Variants in ZNF230 observed in about 807,000 individuals in gnomAD.
ZNF230 encodes the protein zinc finger protein 230, also known as zinc finger protein FDZF2.
In ZNF230, 12 loss-of-function variants were observed where a neutral mutation model predicts 10.0. The observed-to-expected ratio is 1.20, with a 90% CI of 0.77 to 1.95. ZNF230 has a LOEUF of 1.95. Among genes scored for constraint, ZNF230 ranks in the 30% most tolerant of loss-of-function variants. The pLI is 0.00. For missense variants in ZNF230, 532 were observed against 565.8 expected, an observed-to-expected ratio of 0.94 and a Z score of 0.61; for synonymous variants, 174 against 193.6, an observed-to-expected ratio of 0.90 and a Z score of 0.84.
At position 44,010,545 on chromosome 19, in the gene ZNF230, C is replaced by T. The variant is rs1976168607; in HGVS notation, c.506C>T (p.Thr169Ile). The change falls in exon 5 of 5, where the codon ACA becomes ATA. Residue 169 changes from threonine (T) to isoleucine (I), a missense_variant. Coordinates refer to ENST00000429154, the MANE Select transcript of ZNF230 (RefSeq NM_006300.4). ...TTCCACTCAGGAGAGAAGTCTCATA[C>T]ATGCAATGAGTGTGGAAAAAGCTTC... ...QQFHSGEKSHTCNECGKSFCY... is the reference protein window; with the variant it reads ...QQFHSGEKSHICNECGKSFCY... 2 of 1,614,126 alleles carry T rather than the reference C, an allele frequency of 1.2e-6. No homozygotes were observed. Among genetic ancestry groups the T allele is most frequent in the Admixed American group, 3.3e-5 (2 of 60,004 alleles).
intron 2 of ZNF230, among the ~76,000 whole-genome samples, chr19:44,007,458 A>G (rs980700185): frequency 3.3e-5 from 5 of 152,166 alleles, no homozygotes; most frequent in Non-Finnish European, 5.9e-5. Flanking sequence ...ATACACCAAG[A>G]TAACATGTCC....
intron 4 of ZNF230, 125 bp downstream of exon 4, chr19:44,009,295 C>A: frequency 9.3e-7 from 1 of 1,071,324 alleles, no homozygotes. Context: ...TTATTACAAC[C>A]CCTTTCTGGC....
chr19:44,010,214 A>G, intron 4 of ZNF230, 55 bp from the exon 5 acceptor site: 2 of 1,494,728 alleles, frequency 1.3e-6, no homozygotes, highest in Non-Finnish European at 1.8e-6. Flanking sequence ...GAAATCTTAA[A>G]AACACCAAAC....
intron 1 of ZNF230, 186 bp from the exon 2 acceptor site, chr19:44,006,825 C>T (rs1976128360): frequency 2.8e-6 from 1 of 355,482 alleles, no homozygotes; most frequent in South Asian, 9.7e-5. Flanking sequence ...AAATTAGATT[C>T]CATTATATGG....
In ZNF230 at chr19:44,010,589, C is replaced by T. The variant is rs112504832; in HGVS notation, c.550C>T (p.Arg184Cys). The T allele has an allele frequency of 8.4e-4, 1,363 of 1,614,196 alleles. 3 individuals carry two copies. The highest frequency in any genetic ancestry group is 1.0e-3 in the Non-Finnish European group (1,196 of 1,180,040). ...AAGCTTCTGTTACATCTCAGCTCTT[C>T]GTATTCACCAGAGAGTTCACTTGAG... ...GKSFCYISAL[R>C]IHQRVHLREK... Residue 184 changes from arginine to cysteine, a missense_variant, in exon 5 of 5, where the codon CGT (arginine) becomes TGT (cysteine). Physicochemically the swap from Arg to Cys is radical, Grantham distance 180. Coordinates refer to ENST00000429154, the MANE Select transcript of ZNF230 (RefSeq NM_006300.4).
At position 44,012,141 on chromosome 19, in the gene ZNF230, A is replaced by G. The variant is rs572698586; in HGVS notation, c.*677A>G. On this transcript the variant is annotated 3_prime_UTR_variant, in exon 5 of 5. Coordinates refer to ENST00000429154, the MANE Select transcript of ZNF230 (RefSeq NM_006300.4). ...GAATCTTATGCCTCAGAGGCTTGACACAAGAGCAAAACTATGGAAGTGTGG... is the reference window on the plus strand; with the variant it reads ...GAATCTTATGCCTCAGAGGCTTGACGCAAGAGCAAAACTATGGAAGTGTGG... 3.4e-5 allele frequency: 10 copies of G among 291,202 alleles called. No homozygotes were observed. Among genetic ancestry groups the G allele is most frequent in the Non-Finnish European group, 6.0e-5 (9 of 149,470 alleles). 18.0% of individuals were successfully genotyped at this position (291,202 alleles called of 1,614,324 possible).
At chr19:44,007,852 C>G (rs756978341) in intron 2 of ZNF230, among the ~76,000 whole-genome samples, 5 of 152,218 alleles carry the variant, frequency 3.3e-5, no homozygotes, top group Non-Finnish European at 5.9e-5. Flanking sequence ...TCCCCCTTTG[C>G]CAGTCCAGAG....
Position 44,011,191 on chromosome 19 carries a change from G to C in ZNF230, c.1152G>C (p.Arg384Ser), listed in dbSNP as rs763836176. The part of the protein sequence containing the change: ...ISKSGLNLHQ[R>S]VHTGERPYNC... The stretch of plus-strand genomic sequence containing the variant: ...AGTCAGGTCTTAACTTGCACCAGAG[G>C]GTCCATACTGGAGAGAGACCTTATA... Residue 384 changes from arginine (R) to serine (S), a missense_variant, in exon 5 of 5, where the codon AGG becomes AGC. Arg to Ser is a moderately radical substitution (Grantham distance 110). Transcript: ENST00000429154. The C allele has an allele frequency of 1.9e-6, 3 of 1,613,946 alleles. No homozygotes were observed. The South Asian group carries it at 3.3e-5, about 18-fold the overall frequency.
In ZNF230 at chr19:44,010,702, GA is replaced by G; in HGVS notation, c.666del (p.Lys222AsnfsTer51). The G allele has an allele frequency of 1.9e-6, 3 of 1,614,226 alleles. No homozygotes were observed. Among genetic ancestry groups the G allele is most frequent in the Non-Finnish European group, 2.5e-6 (3 of 1,180,028 alleles). ...QTRERVHTGEKPFKCEQCGKG... is the reference protein window; with the variant it reads ...QTRERVHTGEXPFKCEQCGKG... ...CTCGTGAGAGAGTCCACACTGGAGA[GA>G]AACCATTCAAATGTGAGCAATGTGG... On this transcript the variant is annotated frameshift_variant, in exon 5 of 5. Coordinates refer to ENST00000429154, the MANE Select transcript of ZNF230 (RefSeq NM_006300.4). LOFTEE classifies it low-confidence loss of function (END_TRUNC).
At position 44,010,255 on chromosome 19, in the gene ZNF230, CTG is replaced by C; in HGVS notation, c.230-10_230-9del. On this transcript the variant is annotated splice_polypyrimidine_tract_variant and intron_variant, in intron 4 of 4. Coordinates refer to ENST00000429154, the MANE Select transcript of ZNF230 (RefSeq NM_006300.4). Reference sequence around the variant, plus strand: ...CTTCATTTGTCCACATCTCTTCATTCTGTGTCCTTATAGGCGGCAAGACTATT... The same window carrying C: ...CTTCATTTGTCCACATCTCTTCATTCTGTCCTTATAGGCGGCAAGACTATT... The C allele has an allele frequency of 6.3e-7, 1 of 1,582,982 alleles. No individual in the cohort carries two copies. The highest frequency in any genetic ancestry group is 8.6e-7 in the Non-Finnish European group (1 of 1,163,934).
At position 44,008,880 on chromosome 19, in the gene ZNF230, GT is replaced by G; in HGVS notation, c.107del (p.Val36GlyfsTer23). ...DPAQRKLYQD[V>X]MLENFTNLLS... Reference sequence around the variant, plus strand: ...TGCCCAGAGGAAGCTGTACCAAGACGTGATGCTTGAGAACTTCACGAACCTG... The same window carrying G: ...TGCCCAGAGGAAGCTGTACCAAGACGGATGCTTGAGAACTTCACGAACCTG... On this transcript the variant is annotated frameshift_variant, in exon 3 of 5. Coordinates refer to ENST00000429154, the MANE Select transcript of ZNF230 (RefSeq NM_006300.4). LOFTEE classifies it high-confidence loss of function. The G allele has an allele frequency of 6.2e-7, 1 of 1,614,126 alleles. No individual in the cohort carries two copies.
intron 1 of ZNF230, among the ~76,000 whole-genome samples, chr19:44,005,407 T>C (rs182884362): frequency 6.6e-6 from 1 of 152,204 alleles, no homozygotes; most frequent in Non-Finnish European, 1.5e-5. Context: ...GAAGGGATGG[T>C]ATAGGGTTTC....
Position 44,009,164 on chromosome 19 carries a change from A to G in ZNF230, c.223A>G (p.Asn75Asp), listed in dbSNP as rs1193827557. 6 of 1,614,068 alleles carry G rather than the reference A, an allele frequency of 3.7e-6. No individual in the cohort carries two copies. Among genetic ancestry groups the G allele is most frequent in the Non-Finnish European group, 8.5e-7 (1 of 1,180,014 alleles). Residue 75 changes from asparagine to aspartate, a missense_variant, in exon 4 of 5, where the codon AAT (asparagine) becomes GAT (aspartate). By Grantham distance (23) the Asn-to-Asp change is conservative. Transcript: ENST00000429154. The stretch of plus-strand genomic sequence containing the variant: ...GGAGACAGCAACCCAAAGAGAAGGA[A>G]ATTCAGGTAAGAAGCAAGCAACTGT... ...MMETATQREGNSGGKTIAEAG... is the reference protein window; with the variant it reads ...MMETATQREGDSGGKTIAEAG...
At chr19:44,005,176 CAT>C (rs1976111890) in intron 1 of ZNF230, among the ~76,000 whole-genome samples, 1 of 151,788 alleles carries the variant, frequency 6.6e-6, no homozygotes, top group Non-Finnish European at 1.5e-5. Flanking sequence ...ATCTTTATAT[CAT>C]TTAAAAGCTA....
At position 44,007,014 on chromosome 19, in the gene ZNF230, C is replaced by A. The variant is rs374005751; in HGVS notation, c.-65C>A. 4.2e-6 allele frequency: 6 copies of A among 1,443,142 alleles called. No homozygotes were observed. The highest frequency in any genetic ancestry group is 5.8e-6 in the Non-Finnish European group (6 of 1,035,890). 89.4% of individuals were successfully genotyped at this position (1,443,142 alleles called of 1,614,324 possible). On this transcript the variant is annotated 5_prime_UTR_variant, in exon 2 of 5. Coordinates refer to ENST00000429154, the MANE Select transcript of ZNF230 (RefSeq NM_006300.4). ...TGCTGTCTCTGGCATTTTCCAGGCA[C>A]AATTCCACCTTCCTTTGTGCTCCAT...
At position 44,012,058 on chromosome 19, in the gene ZNF230, CCACATACT is replaced by C; in HGVS notation, c.*595_*602del. The C allele has an allele frequency of 5.5e-6, 1 of 180,432 alleles. No individual in the cohort carries two copies. The highest frequency in any genetic ancestry group is 1.2e-5 in the Non-Finnish European group (1 of 86,348). The allele number at this position is 180,432 out of a possible 1,614,324, so 11.2% of individuals were successfully genotyped here. A position where few individuals can be genotyped will look rare whatever the true frequency, so the allele number is the denominator to read the frequency against. ...GAACATGGTAGTGTAGATATCTGAT[CCACATACT>C]GATTTCCTTTGCTTTGGATATACTC... On this transcript the variant is annotated 3_prime_UTR_variant, in exon 5 of 5. Transcript: ENST00000429154.
chr19:44,004,151 C>T (rs888215356), intron 1 of ZNF230: 2 of 152,204 alleles, frequency 1.3e-5, no homozygotes, highest in Admixed American at 6.5e-5. Flanking sequence ...TTAAAAATTT[C>T]TCAACTATTT....
In ZNF230 at chr19:44,010,675, A is replaced by G. The variant is rs369132991; in HGVS notation, c.636A>G (p.Gln212=). The change falls in exon 5 of 5, where the codon CAA becomes CAG. Residue 212 remains glutamine, a synonymous_variant. Transcript: ENST00000429154. ...AATTCAGTCAGAGCTCATGTCTGCA[A>G]ACTCGTGAGAGAGTCCACACTGGAG... is the stretch of plus-strand genomic sequence containing the variant. ...GKEFSQSSCL[Q]TRERVHTGEK... 7 of 1,614,240 alleles carry G rather than the reference A, an allele frequency of 4.3e-6. No individual in the cohort carries two copies. The South Asian group carries it at 6.6e-5, about 15-fold the overall frequency.
chr19:44,012,452 C>G lies in ZNF230; in HGVS notation c.*988C>G, dbSNP rs760315150. On this transcript the variant is annotated 3_prime_UTR_variant, in exon 5 of 5. Transcript: ENST00000429154. ...TGTTTAAGTTAAATTCAGTGTTTCA[C>G]CATAGCTCAGCATTCTCCCATCATC... 10 of 519,032 alleles carry G rather than the reference C, an allele frequency of 1.9e-5. No homozygotes were observed. Among genetic ancestry groups the G allele is most frequent in the South Asian group, 1.4e-4 (10 of 71,586 alleles). 32.2% of individuals were successfully genotyped at this position (519,032 alleles called of 1,614,324 possible).
Sources: gnomAD v4.1 joint callset for allele counts (sites outside exome capture counted in the v4.1 genomes callset) on GRCh38, gnomAD v4.1.1 for gene constraint, MANE v1.5 for transcripts, NCBI Gene and HGNC (gene_info 2026-07-23, HGNC 2026-07-21) for gene names.